Variants in GALNT13 observed in about 807,000 individuals in gnomAD.
The protein encoded by GALNT13 is UDP-GalNAc:polypeptide N-acetylgalactosaminyltransferase 13.
Under a neutral mutation model 64.2 loss-of-function variants are expected in GALNT13, and 28 were observed. That is an observed-to-expected ratio of 0.44 (90% CI 0.32 to 0.60). The LOEUF is 0.60. GALNT13 is among the 20% of genes least tolerant of loss of function. The probability of loss-of-function intolerance (pLI) is 0.05; values close to 1 mark genes in which losing one functional copy is unlikely to be tolerated. For missense variants in GALNT13, 577 were observed against 669.8 expected (o/e 0.86, Z 1.53); for synonymous variants, 214 against 224.6 (o/e 0.95, Z 0.42).
chr2:154,244,540 T>C (rs1411568437), intron 6 of GALNT13, among the ~76,000 whole-genome samples: 2 of 152,152 alleles, frequency 1.3e-5, no homozygotes, highest in African/African-American at 4.8e-5. Flanking sequence ...GCTTTTCATA[T>C]CTAGGGATGA....
At chr2:153,815,737 A>G in the GALNT13 span, among the ~76,000 whole-genome samples, 1 of 152,166 alleles carries the variant, frequency 6.6e-6, no homozygotes, top group Non-Finnish European at 1.5e-5. Flanking sequence ...AATGGTCTCA[A>G]GTAGTCATTT....
At chr2:154,220,869 G>A (rs1171021897) in intron 4 of GALNT13, among the ~76,000 whole-genome samples, 2 of 152,018 alleles carry the variant, frequency 1.3e-5, no homozygotes, top group African/African-American at 4.8e-5. Flanking sequence ...TTGTGCTTTA[G>A]TTTCTGGCCC....
chr2:153,478,143 G>C, the GALNT13 span: 2 of 988,384 alleles, frequency 2.0e-6, no homozygotes, highest in Non-Finnish European at 3.0e-6. Context: ...ACTCCGACAG[G>C]TTTGCTTCGC....
intron 5 of GALNT13, among the ~76,000 whole-genome samples, 177 bp from the exon 6 acceptor site, chr2:154,242,521 A>G (rs1394200053): frequency 6.6e-6 from 1 of 152,210 alleles, no homozygotes; most frequent in African/African-American, 2.4e-5. Flanking sequence ...ATATGATTTT[A>G]TGGATACTTG....
the GALNT13 span, among the ~76,000 whole-genome samples, chr2:153,406,909 TATC>T: frequency 2.6e-5 from 4 of 152,284 alleles, no homozygotes; most frequent in East Asian, 1.9e-4. Flanking sequence ...GGTTGAACAT[TATC>T]ATTTTCAGCT....
intron 3 of GALNT13, among the ~76,000 whole-genome samples, chr2:153,991,382 C>T (rs193132407): frequency 3.9e-5 from 6 of 151,978 alleles, no homozygotes; most frequent in South Asian, 2.1e-4. Context: ...AAATTCAGTC[C>T]GAGTCAGATA....
chr2:153,928,916 A>G (rs750924524), intron 2 of GALNT13, among the ~76,000 whole-genome samples: 17 of 152,146 alleles, frequency 1.1e-4, no homozygotes, highest in Non-Finnish European at 2.5e-4. Context: ...TGCTTTCTAA[A>G]CATTCTCTGT....
chr2:154,076,001 A>C (rs1253678016), intron 3 of GALNT13, among the ~76,000 whole-genome samples: 1 of 151,692 alleles, frequency 6.6e-6, no homozygotes, highest in Non-Finnish European at 1.5e-5. Flanking sequence ...AGGTGAAGAT[A>C]TGCTGATATA....
intron 3 of GALNT13, among the ~76,000 whole-genome samples, chr2:154,127,152 G>A (rs1682331025): frequency 6.6e-6 from 1 of 151,970 alleles, no homozygotes; most frequent in South Asian, 2.1e-4. Flanking sequence ...ACAATATAAT[G>A]ATATATATTA....
chr2:153,615,958 T>C, the GALNT13 span, among the ~76,000 whole-genome samples: 1 of 152,092 alleles, frequency 6.6e-6, no homozygotes, highest in African/African-American at 2.4e-5. Context: ...TTTGTCCATT[T>C]TTGCTTTCGT....
the GALNT13 span, among the ~76,000 whole-genome samples, chr2:153,168,534 T>C: frequency 6.6e-6 from 1 of 152,144 alleles, no homozygotes; most frequent in East Asian, 1.9e-4. Context: ...TTAGTTACCG[T>C]GTGTGGAGGG....
intron 8 of GALNT13, among the ~76,000 whole-genome samples, chr2:154,278,168 G>A (rs1691761329): frequency 6.6e-6 from 1 of 152,008 alleles, no homozygotes; most frequent in African/African-American, 2.4e-5. Flanking sequence ...AAAGCTATTT[G>A]CATTTGCGAA....
At chr2:153,212,358 AT>A in the GALNT13 span, among the ~76,000 whole-genome samples, 1 of 152,144 alleles carries the variant, frequency 6.6e-6, no homozygotes, top group Admixed American at 6.5e-5. Flanking sequence ...GTGTTGTCTA[AT>A]TCTTTAATTA....
At chr2:154,091,668 A>G (rs1701816587) in intron 3 of GALNT13, among the ~76,000 whole-genome samples, 1 of 151,858 alleles carries the variant, frequency 6.6e-6, no homozygotes, top group Non-Finnish European at 1.5e-5. Flanking sequence ...GTAATATGGG[A>G]TTATTGTATT....
At chr2:154,197,700 A>G (rs2105771478) in intron 4 of GALNT13, among the ~76,000 whole-genome samples, 1 of 151,496 alleles carries the variant, frequency 6.6e-6, no homozygotes, top group Admixed American at 6.6e-5. Context: ...ATTTAAAATT[A>G]AGCACATCTA....
the GALNT13 span, among the ~76,000 whole-genome samples, chr2:153,464,904 A>G: frequency 3.9e-3 from 601 of 152,282 alleles, 2 homozygotes; most frequent in South Asian, 6.0e-3. Flanking sequence ...AATATAAACT[A>G]TACAAGAAGT....
At chr2:154,052,223 G>T (rs201931497) in intron 3 of GALNT13, among the ~76,000 whole-genome samples, 1 of 152,124 alleles carries the variant, frequency 6.6e-6, no homozygotes, top group Non-Finnish European at 1.5e-5. Context: ...CCTACAGTAG[G>T]TAATCAGGAA....
At chr2:153,738,355 A>G in the GALNT13 span, among the ~76,000 whole-genome samples, 68 of 152,040 alleles carry the variant, frequency 4.5e-4, no homozygotes, top group Non-Finnish European at 3.8e-4. Flanking sequence ...TGAAAGTTGT[A>G]TAGTTCACTT....
chr2:153,525,774 CT>C, the GALNT13 span, among the ~76,000 whole-genome samples: 1 of 152,046 alleles, frequency 6.6e-6, no homozygotes, highest in Non-Finnish European at 1.5e-5. Flanking sequence ...GGGCTTAGTT[CT>C]TAGATGGCAT....
Sources: gnomAD v4.1 joint callset for allele counts (sites outside exome capture counted in the v4.1 genomes callset) on GRCh38, gnomAD v4.1.1 for gene constraint, MANE v1.5 for transcripts, NCBI Gene and HGNC (gene_info 2026-07-23, HGNC 2026-07-21) for gene names.